Variants in ALDH2 observed in about 807,000 individuals in gnomAD.
The protein encoded by ALDH2 is aldehyde dehydrogenase, mitochondrial.
In ALDH2, 44 loss-of-function variants were observed where a neutral mutation model predicts 59.6. The observed-to-expected ratio is 0.74, with a 90% CI of 0.58 to 0.95. The LOEUF (loss-of-function observed/expected upper bound fraction) is 0.95, where lower values mean the gene tolerates loss of function less well. Ranked by LOEUF, ALDH2 falls within the 40% of genes least tolerant of loss-of-function variation. The pLI is 0.00. For synonymous variants in ALDH2, 291 were observed against 284.0 expected, an observed-to-expected ratio of 1.02 and a Z score of -0.25; for missense variants, 570 against 696.3, an observed-to-expected ratio of 0.82 and a Z score of 2.04.
rs140984356 is a variant in ALDH2 at position 111,775,059 on chromosome 12, G to A, written c.115-6859G>A. On this transcript the variant is annotated intron_variant, in intron 1 of 12. Coordinates refer to ENST00000261733, the MANE Select transcript of ALDH2 (RefSeq NM_000690.4). ...TCGTTAAATAAACCATGGCCTGACC[G>A]TGTTGAGGAACGCTATGTGGCTTAA... 1.1e-3 allele frequency among the ~76,000 whole-genome samples: 170 copies of A among 152,340 alleles called. 3 individuals carry two copies. The South Asian group carries it at 0.02, about 18-fold the overall frequency.
chr12:111,771,194 G>A (rs908738640), intron 1 of ALDH2, among the ~76,000 whole-genome samples: 1 of 151,986 alleles, frequency 6.6e-6, no homozygotes, highest in African/African-American at 2.4e-5. Context: ...CCAGGAGTTC[G>A]AGACCAGCCT....
intron 1 of ALDH2, among the ~76,000 whole-genome samples, chr12:111,780,994 A>G (rs2068267627): frequency 6.6e-6 from 1 of 152,248 alleles, no homozygotes; most frequent in African/African-American, 2.4e-5. Flanking sequence ...CTGTGGTCCC[A>G]GCTACTCAGG....
chr12:111,769,972 T>A (rs912924843), intron 1 of ALDH2, among the ~76,000 whole-genome samples: 7 of 151,936 alleles, frequency 4.6e-5, no homozygotes, highest in Non-Finnish European at 1.0e-4. Context: ...AGTGAAACCC[T>A]GTCTCTACTG....
chr12:111,802,232 T>C (rs1052518092), intron 11 of ALDH2, among the ~76,000 whole-genome samples: 1 of 152,058 alleles, frequency 6.6e-6, no homozygotes, highest in African/African-American at 2.4e-5. Context: ...ACCAACATGG[T>C]GAAACCCTGT....
intron 1 of ALDH2, among the ~76,000 whole-genome samples, chr12:111,772,285 C>T (rs1239643867): frequency 6.6e-6 from 1 of 152,120 alleles, no homozygotes; most frequent in Non-Finnish European, 1.5e-5. Flanking sequence ...GAGCCAAAAC[C>T]TGTGTTTTGG....
At chr12:111,801,504 G>C (rs1487968417) in intron 11 of ALDH2, among the ~76,000 whole-genome samples, 1 of 152,002 alleles carries the variant, frequency 6.6e-6, no homozygotes, top group Non-Finnish European at 1.5e-5. Context: ...TTTGAGACCA[G>C]CCTGGCCAAC....
At chr12:111,806,769 C>T (rs897525067) in intron 12 of ALDH2, among the ~76,000 whole-genome samples, 2 of 148,558 alleles carry the variant, frequency 1.3e-5, no homozygotes, top group African/African-American at 5.0e-5. Context: ...GTCAGGAGTT[C>T]GAGACCAGCC....
intron 1 of ALDH2, among the ~76,000 whole-genome samples, chr12:111,777,603 C>G (rs571716822): frequency 6.6e-6 from 1 of 152,260 alleles, no homozygotes; most frequent in South Asian, 2.1e-4. Context: ...GCCCGCCCCC[C>G]ACGCCCGTGA....
chr12:111,802,180 G>A (rs1323382732), intron 11 of ALDH2, among the ~76,000 whole-genome samples: 5 of 151,680 alleles, frequency 3.3e-5, no homozygotes, highest in East Asian at 3.9e-4. Flanking sequence ...TTGGGAGTCC[G>A]AAGTAGGTGG....
chr12:111,782,560 TA>T (rs965775001), intron 2 of ALDH2, among the ~76,000 whole-genome samples: 1 of 149,818 alleles, frequency 6.7e-6, no homozygotes, highest in African/African-American at 2.5e-5. Flanking sequence ...ATCTCTAAAG[TA>T]AACAAAGAAA....
At chr12:111,777,942 C>G (rs1258657849) in intron 1 of ALDH2, among the ~76,000 whole-genome samples, 1 of 152,208 alleles carries the variant, frequency 6.6e-6, no homozygotes, top group Non-Finnish European at 1.5e-5. Context: ...ATGTTCTTCT[C>G]CGGTGCCAAG....
chr12:111,795,764 T>C (rs1426791736), intron 9 of ALDH2, among the ~76,000 whole-genome samples: 2 of 151,596 alleles, frequency 1.3e-5, no homozygotes, highest in Non-Finnish European at 2.9e-5. Flanking sequence ...GCTAATTTTT[T>C]GTATCTTTAG....
intron 9 of ALDH2, among the ~76,000 whole-genome samples, chr12:111,793,324 GTCC>G (rs902473013): frequency 1.3e-5 from 2 of 151,982 alleles, no homozygotes; most frequent in Non-Finnish European, 2.9e-5. Flanking sequence ...GGCTCAAGGA[GTCC>G]TCCTGCTTTG....
At chr12:111,803,593 C>T (rs2068470861) in intron 11 of ALDH2, among the ~76,000 whole-genome samples, 1 of 151,684 alleles carries the variant, frequency 6.6e-6, no homozygotes, top group Admixed American at 6.6e-5. Flanking sequence ...AATTTATTGC[C>T]AGGCGTGGTT....
rs2068542239 is a variant in ALDH2, at chr12:111,812,388, C to A, written c.*2813C>A. 1 of 152,086 alleles carries A rather than the reference C, an allele frequency of 6.6e-6. No homozygotes were observed. The highest frequency in any genetic ancestry group is 6.6e-5 in the Admixed American group (1 of 15,238). 9.4% of individuals were successfully genotyped at this position (152,086 alleles called of 1,614,324 possible). A position where few individuals can be genotyped will look rare whatever the true frequency, so the allele number is the denominator to read the frequency against. On this transcript the variant is annotated 3_prime_UTR_variant, in exon 13 of 13. Coordinates refer to ENST00000261733, the MANE Select transcript of ALDH2 (RefSeq NM_000690.4). ...GTGCCCTCGGTCTCTTGCCTCAGCA[C>A]CTGGATGGCTTGCCGCCCACAGCCA...
In ALDH2 at chr12:111,792,310, T is replaced by C. The variant is rs958359891; in HGVS notation, c.898+147T>C. ...CAGGATAAGACGCCAGCGCAGGGCC[T>C]GCATGGCCTGGCCTTGGCCTGTCCC... On this transcript the variant is annotated intron_variant, in intron 8 of 12. Transcript: ENST00000261733. The C allele has an allele frequency of 3.3e-5, 24 of 726,206 alleles. 1 individual carries two copies. The Admixed American group carries it at 6.1e-4, about 19-fold the overall frequency. 45.0% of individuals were successfully genotyped at this position (726,206 alleles called of 1,614,324 possible). A position where few individuals can be genotyped will look rare whatever the true frequency, so the allele number is the denominator to read the frequency against.
chr12:111,775,881 G>A (rs182953171), intron 1 of ALDH2, among the ~76,000 whole-genome samples: 1 of 152,376 alleles, frequency 6.6e-6, no homozygotes, highest in Admixed American at 6.5e-5. Context: ...GGGGAGGGAA[G>A]CCACTGAGTC....
intron 12 of ALDH2, among the ~76,000 whole-genome samples, 191 bp downstream of exon 12, chr12:111,804,164 G>A (rs1349878461): frequency 6.6e-6 from 1 of 152,202 alleles, no homozygotes; most frequent in Admixed American, 6.5e-5. Flanking sequence ...GGGATTTAGG[G>A]TCTGCTGGGC....
chr12:111,793,135 C>A (rs1323520651), intron 9 of ALDH2, among the ~76,000 whole-genome samples: 1 of 152,154 alleles, frequency 6.6e-6, no homozygotes, highest in Admixed American at 6.6e-5. Flanking sequence ...TGTGAACCTT[C>A]GTGTCTGAGA....
Sources: gnomAD v4.1 joint callset for allele counts (sites outside exome capture counted in the v4.1 genomes callset) on GRCh38, gnomAD v4.1.1 for gene constraint, MANE v1.5 for transcripts, NCBI Gene and HGNC (gene_info 2026-07-23, HGNC 2026-07-21) for gene names.